Variants in IL20RA observed in about 807,000 individuals in gnomAD.
IL20RA encodes interleukin-20 receptor subunit alpha.
IL20RA carries 29 observed loss-of-function variants against 36.5 expected under a neutral mutation model. The ratio of observed to expected loss-of-function variants is 0.79; its 90% confidence interval spans 0.59 to 1.08. The LOEUF (loss-of-function observed/expected upper bound fraction) is 1.08. Ranked by LOEUF, IL20RA falls within the 50% of genes least tolerant of loss-of-function variation. IL20RA has a pLI of 0.00. For synonymous variants in IL20RA, 279 were observed against 267.1 expected, an observed-to-expected ratio of 1.04 and a Z score of -0.43; for missense variants, 652 against 668.4, an observed-to-expected ratio of 0.98 and a Z score of 0.27.
intron 1 of IL20RA, chr6:137,044,372 C>G: frequency 9.4e-7 from 1 of 1,067,254 alleles, no homozygotes; most frequent in African/African-American, 1.7e-5. Context: ...CCCCCCACCC[C>G]ACCTCAATTC....
At position 137,016,976 on chromosome 6, in the gene IL20RA, C is replaced by T. The variant is rs371374786; in HGVS notation, c.216G>A (p.Gln72=). ...GAAAAGAAGAAACTTACATGAAATA[C>T]TGCACAGTGTAAGTAACTTTAACTC... ...LQGVKVTYTV[Q]YFIYGQKKWL... is the part of the protein sequence containing the mutation. The change falls in exon 2 of 7, where the codon CAG becomes CAA. Residue 72 remains glutamine (Q), a synonymous_variant. Transcript: ENST00000316649. 6.2e-7 allele frequency: 1 copy of T among 1,613,114 alleles called. No homozygotes were observed. The highest frequency in any genetic ancestry group is 1.3e-5 in the African/African-American group (1 of 74,878).
At chr6:137,042,490 C>T (rs757118601) in intron 1 of IL20RA, among the ~76,000 whole-genome samples, 9 of 152,146 alleles carry the variant, frequency 5.9e-5, no homozygotes, top group Non-Finnish European at 1.0e-4. Context: ...GCCAATAGGG[C>T]GGAGTTTGAT....
intron 1 of IL20RA, among the ~76,000 whole-genome samples, chr6:137,017,372 G>A (rs890679085): frequency 6.6e-5 from 10 of 152,130 alleles, no homozygotes; most frequent in Admixed American, 3.3e-4. Flanking sequence ...ACGAAGAGAG[G>A]CTCAGTTGTC....
At chr6:137,019,368 A>C (rs1378880738) in intron 1 of IL20RA, among the ~76,000 whole-genome samples, 1 of 151,876 alleles carries the variant, frequency 6.6e-6, no homozygotes, top group African/African-American at 2.4e-5. Flanking sequence ...ACCTCAGGTG[A>C]TCCTGCCATC....
intron 1 of IL20RA, among the ~76,000 whole-genome samples, chr6:137,025,137 A>C (rs276489): frequency 0.82 from 124,867 of 152,132 alleles, 56,584 homozygotes; most frequent in East Asian, 1. Context: ...TTATATTATA[A>C]CTTGGCACCA....
chr6:137,022,600 G>A (rs974727780), intron 1 of IL20RA, among the ~76,000 whole-genome samples: 8 of 152,148 alleles, frequency 5.3e-5, no homozygotes, highest in Non-Finnish European at 1.0e-4. Flanking sequence ...GGGTTGAATT[G>A]TGTTCCTCTC....
At chr6:137,030,835 G>A (rs751694313) in intron 1 of IL20RA, among the ~76,000 whole-genome samples, 2 of 151,834 alleles carry the variant, frequency 1.3e-5, no homozygotes, top group Admixed American at 6.6e-5. Flanking sequence ...ATACTCAGAC[G>A]TAGTAACTTT....
chr6:137,032,340 G>A (rs375094582), intron 1 of IL20RA, among the ~76,000 whole-genome samples: 19 of 152,344 alleles, frequency 1.2e-4, no homozygotes, highest in Admixed American at 5.2e-4. Context: ...CAAGGCAGGT[G>A]AAGTGATGGC....
intron 1 of IL20RA, among the ~76,000 whole-genome samples, chr6:137,041,948 C>T (rs1272219588): frequency 5.3e-5 from 8 of 152,164 alleles, no homozygotes; most frequent in Middle Eastern, 3.4e-3. Context: ...TTTCTCCTAA[C>T]GCTATCCCTC....
intron 2 of IL20RA, among the ~76,000 whole-genome samples, chr6:137,016,527 A>T (rs1294313163): frequency 6.6e-6 from 1 of 152,078 alleles, no homozygotes; most frequent in African/African-American, 2.4e-5. Flanking sequence ...TCTGTCTTGC[A>T]TTCTTTCCTG....
At chr6:137,040,691 T>G (rs916991707) in intron 1 of IL20RA, among the ~76,000 whole-genome samples, 2 of 152,216 alleles carry the variant, frequency 1.3e-5, no homozygotes, top group African/African-American at 4.8e-5. Context: ...GAGTCCATAC[T>G]GATATACTTA....
chr6:137,031,900 A>G (rs1041829358), intron 1 of IL20RA, among the ~76,000 whole-genome samples: 2 of 151,946 alleles, frequency 1.3e-5, no homozygotes, highest in Non-Finnish European at 2.9e-5. Flanking sequence ...ACTAAACAAA[A>G]ATTAGTCGGT....
chr6:137,042,830 A>G (rs1453129609), intron 1 of IL20RA: 1 of 152,224 alleles, frequency 6.6e-6, no homozygotes, highest in Non-Finnish European at 1.5e-5. Flanking sequence ...CACGTTGTAC[A>G]GAAGACATTG....
At chr6:137,039,559 C>T (rs1016841010) in intron 1 of IL20RA, among the ~76,000 whole-genome samples, 12 of 152,014 alleles carry the variant, frequency 7.9e-5, no homozygotes, top group African/African-American at 1.5e-4. Flanking sequence ...ATTTGCTCAT[C>T]GGTGCAAAAG....
chr6:137,017,636 T>C (rs1351987207), intron 1 of IL20RA, among the ~76,000 whole-genome samples: 2 of 152,096 alleles, frequency 1.3e-5, no homozygotes, highest in Admixed American at 6.5e-5. Flanking sequence ...TTATTAAATA[T>C]AAAAACAAAA....
At chr6:137,044,398 C>T in intron 1 of IL20RA, 3 of 1,005,544 alleles carry the variant, frequency 3.0e-6, no homozygotes, top group African/African-American at 3.4e-5. Context: ...ACCGAAAGTG[C>T]GGAGCGCGGA....
At chr6:137,017,555 A>C (rs1775747261) in intron 1 of IL20RA, among the ~76,000 whole-genome samples, 1 of 152,214 alleles carries the variant, frequency 6.6e-6, no homozygotes, top group Non-Finnish European at 1.5e-5. Flanking sequence ...AGAAATAATA[A>C]AATGATTGTT....
At position 137,008,478 on chromosome 6, in the gene IL20RA, C is replaced by T. The variant is rs1311792733; in HGVS notation, c.724+121G>A. On this transcript the variant is annotated intron_variant, in intron 5 of 6. Transcript: ENST00000316649. ...GCATTTCTGGTGGTAGTTGTTTCTG[C>T]CTTTGCCTCAACCTGTTTCTGTTAG... is the stretch of plus-strand genomic sequence containing the variant. The T allele has an allele frequency of 6.8e-6, 7 of 1,031,528 alleles. No homozygotes were observed. In the African/African-American group the frequency reaches 9.8e-5, roughly 14 times the overall value. The allele number at this position is 1,031,528 out of a possible 1,614,324, so 63.9% of individuals were successfully genotyped here.
intron 3 of IL20RA, 102 bp from the exon 4 acceptor site, chr6:137,009,594 C>CTTTT: frequency 2.6e-6 from 1 of 386,966 alleles, no homozygotes; most frequent in Admixed American, 5.3e-5. Context: ...AAAAGACATC[C>CTTTT]TTTTTTTTTT....
Sources: allele counts gnomAD v4.1 joint callset (sites outside exome capture counted in the v4.1 genomes callset), GRCh38; gene constraint gnomAD v4.1.1; transcripts MANE v1.5; gene names NCBI Gene and HGNC (gene_info 2026-07-23, HGNC 2026-07-21).